The following FAM135A variants were observed in gnomAD, a reference collection of about 807,000 sequenced individuals.
The protein encoded by FAM135A is family with sequence similarity 135 member A, also known as protein FAM135A.
A neutral mutation model predicts 146.8 loss-of-function variants in FAM135A; 79 were observed. The observed-to-expected ratio is 0.54, with a 90% confidence interval of 0.45 to 0.65. The LOEUF (loss-of-function observed/expected upper bound fraction) is 0.65. Ranked by LOEUF, FAM135A falls within the 30% of genes least tolerant of loss-of-function variation. FAM135A has a pLI of 0.00. For synonymous variants in FAM135A, 562 were observed against 603.6 expected (o/e 0.93, Z 1.01); for missense variants, 1,623 against 1,758.2 (o/e 0.92, Z 1.38).
intron 4 of FAM135A, among the ~76,000 whole-genome samples, chr6:70,434,682 A>T (rs1468209283): frequency 6.6e-6 from 1 of 152,206 alleles, no homozygotes; most frequent in Admixed American, 6.5e-5. Context: ...CATTTTGAAA[A>T]GCGGCAAATA....
At chr6:70,528,252 A>G in intron 15 of FAM135A, 40 bp from the exon 16 acceptor site, 2 of 1,556,174 alleles carry the variant, frequency 1.3e-6, no homozygotes, top group Non-Finnish European at 1.7e-6. Flanking sequence ...ACAACTGAAT[A>G]TGATCCTTAG....
rs558353700 is a variant in FAM135A at position 70,430,209 on chromosome 6, C to T, written c.77+1790C>T. 4.0e-3 allele frequency among the ~76,000 whole-genome samples: 606 copies of T among 152,020 alleles called. 8 individuals carry two copies. Among genetic ancestry groups the T allele is most frequent in the African/African-American group, 0.014 (575 of 41,476 alleles). ...AAAATTACCCAGGTGTGGTGGTGGA[C>T]GCCTGTAATCCCAGCTACTCGGGAG... On this transcript the variant is annotated intron_variant, in intron 4 of 21. Coordinates refer to ENST00000418814, the MANE Select transcript of FAM135A (RefSeq NM_001162529.3).
At position 70,441,827 on chromosome 6, in the gene FAM135A, G is replaced by A. The variant is rs377650527; in HGVS notation, c.78-10665G>A. Among the ~76,000 whole-genome samples the A allele has an allele frequency of 2.3e-3, 343 of 151,892 alleles. 2 individuals carry two copies. The highest frequency in any genetic ancestry group is 8.1e-3 in the African/African-American group (335 of 41,436). ...AGCCTCCCAAGTAGCTGGGATTACA[G>A]GCGCCCACAACCACGCCTGGCTAAT... On this transcript the variant is annotated intron_variant, in intron 4 of 21. Transcript: ENST00000418814.
intron 5 of FAM135A, among the ~76,000 whole-genome samples, chr6:70,462,542 T>C (rs1779629145): frequency 6.6e-6 from 1 of 152,028 alleles, no homozygotes; most frequent in African/African-American, 2.4e-5. Context: ...GGGGAAGGTC[T>C]TAATAAAAAA....
At chr6:70,522,251 G>A (rs542365483) in intron 12 of FAM135A, among the ~76,000 whole-genome samples, 2 of 152,322 alleles carry the variant, frequency 1.3e-5, no homozygotes, top group Non-Finnish European at 2.9e-5. Flanking sequence ...TACACTTTAG[G>A]AGGGGAGATG....
At chr6:70,461,913 A>AT (rs1779518948) in intron 5 of FAM135A, among the ~76,000 whole-genome samples, 1 of 152,192 alleles carries the variant, frequency 6.6e-6, no homozygotes, top group African/African-American at 2.4e-5. Context: ...GTATGTAAAA[A>AT]TTAAGTTAGA....
intron 13 of FAM135A, among the ~76,000 whole-genome samples, chr6:70,523,682 T>C (rs1794088111): frequency 6.6e-6 from 1 of 152,166 alleles, no homozygotes; most frequent in Non-Finnish European, 1.5e-5. Flanking sequence ...ACATTAAGCA[T>C]AGAAATTCAC....
At chr6:70,530,093 A>G (rs1449402702) in intron 16 of FAM135A, among the ~76,000 whole-genome samples, 1 of 152,120 alleles carries the variant, frequency 6.6e-6, no homozygotes, top group African/African-American at 2.4e-5. Context: ...ATGAATTCAA[A>G]TATATTTAAC....
At chr6:70,528,248 G>C (rs773854704) in intron 15 of FAM135A, 44 bp from the exon 16 acceptor site, 10 of 1,546,372 alleles carry the variant, frequency 6.5e-6, no homozygotes, top group Admixed American at 4.1e-5. Flanking sequence ...TCTAACAACT[G>C]AATATGATCC....
chr6:70,526,134 G>T lies in FAM135A; in HGVS notation c.3050G>T (p.Ser1017Ile), dbSNP rs765680467. 11 of 1,613,472 alleles carry T rather than the reference G, an allele frequency of 6.8e-6. No individual in the cohort carries two copies. Among genetic ancestry groups the T allele is most frequent in the Non-Finnish European group, 9.3e-6 (11 of 1,179,658 alleles). Residue 1017 changes from serine (S) to isoleucine (I), a missense_variant, in exon 15 of 22, where the codon AGT becomes ATT. By Grantham distance (142) the Ser-to-Ile change is moderately radical. Around this residue, in one of 7 missense-constraint regions of FAM135A, gnomAD observed 1,061 missense variants for 1,113.8 expected, o/e 0.95. Transcript: ENST00000418814. ...TATTCAGAAATCCCTACAGTTGAAA[G>T]TGAAACTCATCTGGGTACAAGTGAT... ...QMYSEIPTVESETHLGTSDPF... is the reference protein window; with the variant it reads ...QMYSEIPTVEIETHLGTSDPF...
intron 5 of FAM135A, among the ~76,000 whole-genome samples, chr6:70,464,662 T>C (rs996404834): frequency 7.4e-5 from 8 of 107,456 alleles, no homozygotes; most frequent in South Asian, 2.7e-4. Context: ...TTCTTTCTTT[T>C]TTTTCTTTTT....
chr6:70,552,452 A>G (rs898379142), intron 20 of FAM135A, among the ~76,000 whole-genome samples: 2 of 147,142 alleles, frequency 1.4e-5, no homozygotes, highest in Non-Finnish European at 3.0e-5. Flanking sequence ...TAAAGGGGGA[A>G]TAGTTGAAGA....
chr6:70,452,311 A>T (rs1252121806), intron 4 of FAM135A, among the ~76,000 whole-genome samples, 181 bp from the exon 5 acceptor site: 1 of 151,894 alleles, frequency 6.6e-6, no homozygotes, highest in Non-Finnish European at 1.5e-5. Flanking sequence ...TTTTGGTTTT[A>T]TGCCATGTTT....
chr6:70,440,750 GAGTCTGGTCTC>G (rs758715358), intron 4 of FAM135A, among the ~76,000 whole-genome samples: 35 of 152,242 alleles, frequency 2.3e-4, no homozygotes, highest in African/African-American at 8.4e-4. Context: ...AAAGAAATGA[GAGTCTGGTCTC>G]AAACTTTTTC....
intron 12 of FAM135A, among the ~76,000 whole-genome samples, chr6:70,508,821 A>G (rs1417712326): frequency 1.3e-5 from 2 of 152,228 alleles, no homozygotes; most frequent in Non-Finnish European, 2.9e-5. Context: ...ATATTTCAAT[A>G]TAAGTATATC....
At chr6:70,437,965 A>G (rs1168016778) in intron 4 of FAM135A, among the ~76,000 whole-genome samples, 1 of 152,192 alleles carries the variant, frequency 6.6e-6, no homozygotes, top group Non-Finnish European at 1.5e-5. Flanking sequence ...TTCTTTCTAT[A>G]GATACTTATA....
chr6:70,423,631 C>T (rs1292622485), intron 2 of FAM135A, among the ~76,000 whole-genome samples: 1 of 152,174 alleles, frequency 6.6e-6, no homozygotes, highest in Non-Finnish European at 1.5e-5. Context: ...TGTTTCACTT[C>T]AGTTTACATT....
chr6:70,464,833 ATTTTT>A (rs67408160), intron 5 of FAM135A, among the ~76,000 whole-genome samples: 1,596 of 64,160 alleles, frequency 0.025, 68 homozygotes, highest in African/African-American at 0.11. Context: ...CGCCTGGCCA[ATTTTT>A]TTTTTTTTTT....
intron 11 of FAM135A, among the ~76,000 whole-genome samples, chr6:70,492,870 C>T (rs1786337178): frequency 6.6e-6 from 1 of 151,852 alleles, no homozygotes; most frequent in Non-Finnish European, 1.5e-5. Flanking sequence ...TATCTGCATA[C>T]CCTGTTGGTG....
Sources: gnomAD v4.1 joint callset for allele counts (sites outside exome capture counted in the v4.1 genomes callset) on GRCh38, gnomAD v4.1.1 for gene constraint, gnomAD v4.1.1 regional missense constraint, MANE v1.5 for transcripts, NCBI Gene and HGNC (gene_info 2026-07-23, HGNC 2026-07-21) for gene names.